Variants in SP100 observed in about 807,000 individuals in gnomAD.
SP100 encodes SP100 nuclear body protein, also known as nuclear autoantigen Sp-100.
Under a neutral mutation model 130.0 loss-of-function variants are expected in SP100, and 84 were observed. The observed-to-expected ratio is 0.65, with a 90% confidence interval of 0.54 to 0.77. The LOEUF (loss-of-function observed/expected upper bound fraction) is 0.77, where lower values mean the gene tolerates loss of function less well. Among genes scored for constraint, SP100 ranks in the 30% least tolerant of loss-of-function variants. SP100 has a pLI of 0.00. For missense variants in SP100, 978 were observed against 1,052.2 expected, an observed-to-expected ratio of 0.93 and a Z score of 0.97; for synonymous variants, 331 against 351.7, an observed-to-expected ratio of 0.94 and a Z score of 0.66.
intron 24 of SP100, among the ~76,000 whole-genome samples, chr2:230,519,282 T>G (rs1320314420): frequency 6.6e-6 from 1 of 152,190 alleles, no homozygotes; most frequent in Non-Finnish European, 1.5e-5. Context: ...TTGAATATGT[T>G]TTACCAATGT....
intron 10 of SP100, among the ~76,000 whole-genome samples, chr2:230,463,413 G>C (rs1246542822): frequency 3.9e-5 from 6 of 152,252 alleles, no homozygotes; most frequent in Admixed American, 6.5e-5. Context: ...TCTAGATCCA[G>C]AGGATATTAG....
chr2:230,471,394 C>T (rs2065257331), intron 15 of SP100, among the ~76,000 whole-genome samples: 2 of 152,110 alleles, frequency 1.3e-5, no homozygotes, highest in African/African-American at 4.8e-5. Context: ...AGACAGGTTC[C>T]CTGGTTTCCT....
chr2:230,512,352 C>T (rs773025280), intron 24 of SP100, among the ~76,000 whole-genome samples: 7 of 135,198 alleles, frequency 5.2e-5, no homozygotes, highest in Admixed American at 2.5e-4. Flanking sequence ...TCCAGTGGCA[C>T]GATCTTGCCT....
At chr2:230,470,751 G>A (rs1649883) in intron 15 of SP100, among the ~76,000 whole-genome samples, 35,636 of 152,120 alleles carry the variant, frequency 0.23, 5,064 homozygotes, top group Middle Eastern at 0.33. Context: ...GGTGTCTCAC[G>A]GTGGGTGACT....
chr2:230,482,845 C>A (rs1394922180), intron 17 of SP100, among the ~76,000 whole-genome samples: 1 of 152,050 alleles, frequency 6.6e-6, no homozygotes, highest in African/African-American at 2.4e-5. Context: ...CAACTTTTTT[C>A]TCTTTCAAAA....
chr2:230,502,435 T>C (rs576518602), intron 19 of SP100, among the ~76,000 whole-genome samples: 2 of 152,330 alleles, frequency 1.3e-5, no homozygotes, highest in Admixed American at 1.3e-4. Flanking sequence ...CAAAGAAAAT[T>C]GTCAACACTT....
chr2:230,531,570 T>C (rs941700389), intron 24 of SP100, among the ~76,000 whole-genome samples: 1 of 152,136 alleles, frequency 6.6e-6, no homozygotes, highest in African/African-American at 2.4e-5. Flanking sequence ...ATAAATTAAT[T>C]AATTTAAAAA....
At chr2:230,466,436 A>G in intron 12 of SP100, 82 bp downstream of exon 12, 1 of 805,840 alleles carries the variant, frequency 1.2e-6, no homozygotes, top group Non-Finnish European at 2.1e-6. Flanking sequence ...TCTACAAAAG[A>G]GTCAGTCTAA....
chr2:230,513,850 A>G (rs561348183), intron 24 of SP100, among the ~76,000 whole-genome samples: 116 of 152,388 alleles, frequency 7.6e-4, no homozygotes, highest in African/African-American at 2.7e-3. Flanking sequence ...TATTAGGTTG[A>G]GGCAAAAAAG....
chr2:230,464,758 C>T (rs964556434), intron 11 of SP100, among the ~76,000 whole-genome samples: 1 of 152,170 alleles, frequency 6.6e-6, no homozygotes, highest in Non-Finnish European at 1.5e-5. Context: ...ACTAGTTTAT[C>T]CCTGCTTTAT....
intron 11 of SP100, among the ~76,000 whole-genome samples, chr2:230,465,406 A>G (rs1039342722): frequency 4.6e-5 from 7 of 152,238 alleles, no homozygotes; most frequent in Non-Finnish European, 1.0e-4. Context: ...CTCAAAAAAA[A>G]TAAGTAAAAA....
intron 2 of SP100, among the ~76,000 whole-genome samples, chr2:230,435,514 A>G (rs2063234553): frequency 6.6e-6 from 1 of 152,112 alleles, no homozygotes; most frequent in African/African-American, 2.4e-5. Flanking sequence ...TGACTCAGAT[A>G]TTTGTTCTGT....
intron 24 of SP100, among the ~76,000 whole-genome samples, chr2:230,519,651 T>C (rs549731370): frequency 2.9e-4 from 44 of 152,282 alleles, no homozygotes; most frequent in Admixed American, 1.0e-3. Context: ...TGAAGTCTTT[T>C]TCAAATCAGA....
chr2:230,500,826 C>G (rs1166596720), intron 19 of SP100, among the ~76,000 whole-genome samples: 2 of 152,188 alleles, frequency 1.3e-5, no homozygotes, highest in African/African-American at 4.8e-5. Context: ...TTGGCCCAAT[C>G]ATGGTCTTTG....
chr2:230,472,427 CAAAAAAAAA>C (rs201703163), intron 15 of SP100, among the ~76,000 whole-genome samples: 25,998 of 61,840 alleles, frequency 0.42, 2,846 homozygotes, highest in Middle Eastern at 0.53. Flanking sequence ...GACTCCGTCT[CAAAAAAAAA>C]AAAAAAAAAA....
chr2:230,418,453 AG>A (rs1247034699), intron 2 of SP100, among the ~76,000 whole-genome samples: 3 of 152,074 alleles, frequency 2.0e-5, no homozygotes, highest in African/African-American at 7.2e-5. Context: ...GTTGTCTCTT[AG>A]TTATTTTTCC....
At chr2:230,490,364 C>A (rs1340445526) in intron 17 of SP100, among the ~76,000 whole-genome samples, 1 of 152,020 alleles carries the variant, frequency 6.6e-6, no homozygotes, top group Admixed American at 6.6e-5. Flanking sequence ...TTCCTCCATT[C>A]CCTTATTTTG....
intron 17 of SP100, among the ~76,000 whole-genome samples, chr2:230,480,795 G>C (rs1395331905): frequency 1.3e-5 from 2 of 152,202 alleles, no homozygotes; most frequent in East Asian, 3.8e-4. Flanking sequence ...CCTGCTCATG[G>C]CCTTTCTGAC....
chr2:230,438,710 A>G (rs1367804715), intron 2 of SP100, among the ~76,000 whole-genome samples: 1 of 151,734 alleles, frequency 6.6e-6, no homozygotes, highest in Non-Finnish European at 1.5e-5. Flanking sequence ...ATATGTGTAT[A>G]CATGTATATG....
Sources: gnomAD v4.1 joint callset for allele counts (sites outside exome capture counted in the v4.1 genomes callset) on GRCh38, gnomAD v4.1.1 for gene constraint, MANE v1.5 for transcripts, NCBI Gene and HGNC (gene_info 2026-07-23, HGNC 2026-07-21) for gene names.